Variants in EEFSEC observed in about 807,000 individuals in gnomAD.
The protein encoded by EEFSEC is selenocysteine-specific elongation factor.
A neutral mutation model predicts 42.1 loss-of-function variants in EEFSEC; 43 were observed. That is an observed-to-expected ratio of 1.02 (90% CI 0.80 to 1.32). The LOEUF (loss-of-function observed/expected upper bound fraction) is 1.32, where lower values mean the gene tolerates loss of function less well. Among genes scored for constraint, EEFSEC ranks in the 40% most tolerant of loss-of-function variants. The probability of loss-of-function intolerance (pLI) is 0.00; values close to 1 mark genes in which losing one functional copy is unlikely to be tolerated. For synonymous variants in EEFSEC, 354 were observed against 339.1 expected (o/e 1.04, Z -0.48); for missense variants, 745 against 803.6 (o/e 0.93, Z 0.88).
intron 1 of EEFSEC, among the ~76,000 whole-genome samples, chr3:128,218,092 G>C (rs989148696): frequency 2.6e-5 from 4 of 152,132 alleles, no homozygotes; most frequent in Non-Finnish European, 5.9e-5. Context: ...GGTTTTTCAA[G>C]TCCCCTTTTA....
chr3:128,217,362 C>G (rs2065820851), intron 1 of EEFSEC, among the ~76,000 whole-genome samples: 1 of 152,140 alleles, frequency 6.6e-6, no homozygotes, highest in Admixed American at 6.5e-5. Context: ...AAGGGTCCAC[C>G]ATGTGCTCAC....
At chr3:128,364,849 C>T (rs1343909011) in intron 6 of EEFSEC, among the ~76,000 whole-genome samples, 1 of 152,238 alleles carries the variant, frequency 6.6e-6, no homozygotes, top group East Asian at 1.9e-4. Flanking sequence ...CAGCGTGGCC[C>T]CAACCCACAG....
intron 5 of EEFSEC, among the ~76,000 whole-genome samples, chr3:128,345,538 T>C (rs961522032): frequency 6.6e-6 from 1 of 152,224 alleles, no homozygotes; most frequent in Non-Finnish European, 1.5e-5. Context: ...TTTCTGGACA[T>C]GTCTATTCAA....
intron 6 of EEFSEC, 35 bp downstream of exon 6, chr3:128,358,408 C>A: frequency 6.2e-7 from 1 of 1,610,502 alleles, no homozygotes; most frequent in South Asian, 1.1e-5. Context: ...TTTAGGGACA[C>A]CGTGCAGGGC....
At chr3:128,203,333 C>T (rs2065661504) in intron 1 of EEFSEC, among the ~76,000 whole-genome samples, 2 of 152,332 alleles carry the variant, frequency 1.3e-5, no homozygotes, top group African/African-American at 2.4e-5. Context: ...TGTTCTAATT[C>T]ATGATCTTAA....
At chr3:128,202,513 A>T (rs927128725) in intron 1 of EEFSEC, among the ~76,000 whole-genome samples, 11 of 152,178 alleles carry the variant, frequency 7.2e-5, no homozygotes, top group Non-Finnish European at 1.6e-4. Context: ...ACCTTGCTAA[A>T]CCTTCTTATT....
At chr3:128,308,079 C>T (rs2066851114) in intron 4 of EEFSEC, among the ~76,000 whole-genome samples, 1 of 152,252 alleles carries the variant, frequency 6.6e-6, no homozygotes, top group African/African-American at 2.4e-5. Flanking sequence ...GCAACTTGCA[C>T]ACATGCTCTG....
chr3:128,198,382 T>C (rs1453061761), intron 1 of EEFSEC, among the ~76,000 whole-genome samples: 1 of 152,222 alleles, frequency 6.6e-6, no homozygotes, highest in Non-Finnish European at 1.5e-5. Flanking sequence ...GGTTGAATTA[T>C]GTATATGTGT....
In EEFSEC at chr3:128,408,135, G is replaced by A. The variant is rs200217143; in HGVS notation, c.1667G>A (p.Arg556His). 3.3e-5 allele frequency: 53 copies of A among 1,611,544 alleles called. 1 individual carries two copies. In the Admixed American group the frequency reaches 3.5e-4, roughly 11 times the overall value. Residue 556 changes from arginine to histidine, a missense_variant, in exon 7 of 7, where the codon CGT becomes CAT. Physicochemically the swap from Arg to His is conservative, Grantham distance 29. Coordinates refer to ENST00000254730, the MANE Select transcript of EEFSEC (RefSeq NM_021937.5). The part of the protein sequence containing the change: ...PALKKRARAG[R>H]GEATRQEESA... ...CTCAAGAAGCGGGCCCGGGCTGGCC[G>A]TGGGGAGGCCACCAGGCAGGAGGAG...
At chr3:128,189,134 T>G (rs1200537301) in intron 1 of EEFSEC, among the ~76,000 whole-genome samples, 2 of 152,118 alleles carry the variant, frequency 1.3e-5, no homozygotes, top group Non-Finnish European at 2.9e-5. Context: ...GCTGAGCAAG[T>G]CCTTCCTTTC....
At chr3:128,398,335 G>A (rs1017203812) in intron 6 of EEFSEC, among the ~76,000 whole-genome samples, 1 of 152,188 alleles carries the variant, frequency 6.6e-6, no homozygotes, top group African/African-American at 2.4e-5. Context: ...TCCCCAGGCC[G>A]AGGGAGCGCC....
At chr3:128,174,520 A>G (rs977873364) in intron 1 of EEFSEC, among the ~76,000 whole-genome samples, 3 of 152,210 alleles carry the variant, frequency 2.0e-5, no homozygotes, top group African/African-American at 7.2e-5. Context: ...ACTGCCTCAA[A>G]GAACTTCCCA....
intron 4 of EEFSEC, among the ~76,000 whole-genome samples, chr3:128,269,368 G>A (rs887478469): frequency 1.3e-5 from 2 of 152,240 alleles, no homozygotes; most frequent in South Asian, 2.1e-4. Context: ...CCTGGGCTGC[G>A]GCATGTACGA....
chr3:128,260,761 C>T (rs2066288167), intron 2 of EEFSEC, among the ~76,000 whole-genome samples: 1 of 152,230 alleles, frequency 6.6e-6, no homozygotes, highest in Non-Finnish European at 1.5e-5. Context: ...TACTGAGACT[C>T]TTCTTGAATA....
chr3:128,340,959 C>T (rs1559928821), intron 4 of EEFSEC, among the ~76,000 whole-genome samples: 1 of 152,204 alleles, frequency 6.6e-6, no homozygotes, highest in Non-Finnish European at 1.5e-5. Flanking sequence ...AGGGATTTGG[C>T]TGCTATGACC....
At chr3:128,276,367 A>G (rs558499861) in intron 4 of EEFSEC, among the ~76,000 whole-genome samples, 1 of 152,326 alleles carries the variant, frequency 6.6e-6, no homozygotes, top group East Asian at 1.9e-4. Context: ...GACTCCCTTT[A>G]TTGGCAGTTT....
chr3:128,339,807 C>T (rs1291528426), intron 4 of EEFSEC, among the ~76,000 whole-genome samples: 1 of 152,118 alleles, frequency 6.6e-6, no homozygotes, highest in African/African-American at 2.4e-5. Flanking sequence ...CACAGTTCTG[C>T]GTGGCTGAGG....
Position 128,287,303 on chromosome 3 carries a change from C to T in EEFSEC, c.786+22522C>T, listed in dbSNP as rs571606635. Among the ~76,000 whole-genome samples the T allele has an allele frequency of 7.9e-5, 12 of 151,692 alleles. No individual in the cohort carries two copies. The South Asian group carries it at 1.7e-3, about 21-fold the overall frequency. On this transcript the variant is annotated intron_variant, in intron 4 of 6. Transcript: ENST00000254730. ...AGTGATGCAGCTCCAAGGGGGCAGG[C>T]GGGCTTGTGCAGCCATGGGGGGAGG...
chr3:128,227,671 G>A (rs1057150239), intron 1 of EEFSEC, among the ~76,000 whole-genome samples: 1 of 152,194 alleles, frequency 6.6e-6, no homozygotes, highest in African/African-American at 2.4e-5. Context: ...TCCATGATAG[G>A]GGAGGAGGAG....
Sources: gnomAD v4.1 joint callset for allele counts (sites outside exome capture counted in the v4.1 genomes callset) on GRCh38, gnomAD v4.1.1 for gene constraint, MANE v1.5 for transcripts, NCBI Gene and HGNC (gene_info 2026-07-23, HGNC 2026-07-21) for gene names.